Variants in BNC2 observed in about 807,000 individuals in gnomAD.
The protein encoded by BNC2 is zinc finger protein basonuclin-2.
Under a neutral mutation model 76.3 loss-of-function variants are expected in BNC2, and 20 were observed. That is an observed-to-expected ratio of 0.26 (90% CI 0.18 to 0.38). BNC2 has a LOEUF of 0.38. Among genes scored for constraint, BNC2 ranks in the 10% least tolerant of loss-of-function variants. The pLI, the probability that BNC2 is intolerant of heterozygous loss-of-function variation, is 1.00. For missense variants in BNC2, 1,382 were observed against 1,399.8 expected (o/e 0.99, Z 0.20); for synonymous variants, 582 against 514.8 (o/e 1.13, Z -1.77).
intron 3 of BNC2, among the ~76,000 whole-genome samples, chr9:16,716,646 G>A (rs576454171): frequency 3.3e-5 from 5 of 152,228 alleles, no homozygotes; most frequent in East Asian, 1.9e-4. Context: ...TATCTCTGAC[G>A]TATTACTACA....
At chr9:16,669,649 A>G (rs1822414984) in intron 3 of BNC2, among the ~76,000 whole-genome samples, 1 of 152,236 alleles carries the variant, frequency 6.6e-6, no homozygotes, top group Non-Finnish European at 1.5e-5. Flanking sequence ...TATGTGAGAT[A>G]CTATGTTATG....
chr9:16,485,266 C>G (rs1349571535), intron 5 of BNC2, among the ~76,000 whole-genome samples: 2 of 152,158 alleles, frequency 1.3e-5, no homozygotes, highest in African/African-American at 4.8e-5. Flanking sequence ...GAAAAAGAAG[C>G]CCTTTCACAG....
intron 1 of BNC2, among the ~76,000 whole-genome samples, chr9:16,846,153 A>G (rs1199403357): frequency 6.6e-6 from 1 of 152,016 alleles, no homozygotes; most frequent in African/African-American, 2.4e-5. Context: ...AAAAAAAAAA[A>G]AAATTAATTT....
chr9:16,418,680 G>A lies in BNC2; in HGVS notation c.*309C>T. ...AGTTGCACACTGTGTGTGTGTGTGT[G>A]TGTGTGTGTGTATGTGCATGTGTGT... On this transcript the variant is annotated 3_prime_UTR_variant, in exon 7 of 7. Coordinates refer to ENST00000380672, the MANE Select transcript of BNC2 (RefSeq NM_017637.6). 2 of 316,076 alleles carry A rather than the reference G, an allele frequency of 6.3e-6. No individual in the cohort carries two copies. Among genetic ancestry groups the A allele is most frequent in the Admixed American group, 4.7e-5 (1 of 21,408 alleles). The allele number at this position is 316,076 out of a possible 1,614,324, so 19.6% of individuals were successfully genotyped here. A position where few individuals can be genotyped will look rare whatever the true frequency, so the allele number is the denominator to read the frequency against.
At chr9:16,562,986 C>A (rs576522554) in intron 4 of BNC2, among the ~76,000 whole-genome samples, 1 of 152,268 alleles carries the variant, frequency 6.6e-6, no homozygotes, top group East Asian at 1.9e-4. Flanking sequence ...AAGATGCATT[C>A]CATAACTTAT....
At chr9:16,636,926 A>AATATATAT (rs112209032) in intron 3 of BNC2, among the ~76,000 whole-genome samples, 1 of 150,922 alleles carries the variant, frequency 6.6e-6, no homozygotes, top group African/African-American at 2.4e-5. Flanking sequence ...CCATGATTTA[A>AATATATAT]ATATATATAT....
Position 16,504,581 on chromosome 9 carries a change from AGATTT to A in BNC2, c.669+47944_669+47948del, listed in dbSNP as rs553100170. Among the ~76,000 whole-genome samples the A allele has an allele frequency of 3.2e-4, 49 of 152,322 alleles. 1 individual carries two copies. The South Asian group carries it at 0.01, about 32-fold the overall frequency. ...CCCTCCAAATACTGGAGATCAGTCA[AGATTT>A]GATAAATTCCATTATCTCTAGATCT... On this transcript the variant is annotated intron_variant, in intron 5 of 6. Transcript: ENST00000380672.
chr9:16,494,330 T>A (rs1822340180), intron 5 of BNC2, among the ~76,000 whole-genome samples: 1 of 151,782 alleles, frequency 6.6e-6, no homozygotes. Flanking sequence ...TTTTTATATT[T>A]TTAGTAGAGA....
chr9:16,781,254 C>A (rs74811283), intron 1 of BNC2, among the ~76,000 whole-genome samples: 2 of 8,318 alleles, frequency 2.4e-4, no homozygotes, highest in East Asian at 0.024. Flanking sequence ...AAGATCAGGG[C>A]TGGACTGATA....
Position 16,728,450 on chromosome 9 carries a change from G to A in BNC2, c.130-453C>T, listed in dbSNP as rs141534057. Among the ~76,000 whole-genome samples, 157 of 152,168 alleles carry A rather than the reference G, an allele frequency of 1.0e-3. 5 individuals are homozygous for A. The East Asian group carries it at 0.026, about 26-fold the overall frequency. ...CAAGGGGAAGCTAGGGCCCTTCCCC[G>A]GGAATTTTTCTCAACAATGCTTTCT... On this transcript the variant is annotated intron_variant, in intron 2 of 6. Transcript: ENST00000380672.
In BNC2 at chr9:16,814,017, G is replaced by A. The variant is rs368993430; in HGVS notation, c.3+56629C>T. Among the ~76,000 whole-genome samples the A allele has an allele frequency of 2.7e-4, 41 of 152,200 alleles. No homozygotes were observed. In the East Asian group the frequency reaches 4.2e-3, roughly 16 times the overall value. ...GTACTAAAAGGATTTGGCTTGTCTC[G>A]TCTGTCCTGATTATGCAATATATGC... On this transcript the variant is annotated intron_variant, in intron 1 of 6. Coordinates refer to ENST00000380672, the MANE Select transcript of BNC2 (RefSeq NM_017637.6).
At chr9:16,462,965 G>T (rs577522202) in intron 5 of BNC2, among the ~76,000 whole-genome samples, 41 of 152,044 alleles carry the variant, frequency 2.7e-4, no homozygotes. Flanking sequence ...TCCTTCTCCA[G>T]AACCGACCAT....
At chr9:16,632,955 T>A (rs535726539) in intron 3 of BNC2, among the ~76,000 whole-genome samples, 1 of 152,138 alleles carries the variant, frequency 6.6e-6, no homozygotes, top group African/African-American at 2.4e-5. Context: ...CCCCGAAGCA[T>A]GAGAACTGAT....
chr9:16,731,538 GA>G (rs1168699806), intron 2 of BNC2, among the ~76,000 whole-genome samples: 2 of 152,036 alleles, frequency 1.3e-5, no homozygotes, highest in South Asian at 2.1e-4. Flanking sequence ...AACTGAAGGG[GA>G]AAAAAAGGCA....
chr9:16,823,693 GAT>G (rs1818391073), intron 1 of BNC2, among the ~76,000 whole-genome samples: 1 of 151,668 alleles, frequency 6.6e-6, no homozygotes, highest in African/African-American at 2.4e-5. Context: ...CCTTCATGTT[GAT>G]AACTATAGTA....
At chr9:16,442,332 A>C (rs1188208470) in intron 5 of BNC2, among the ~76,000 whole-genome samples, 1 of 152,220 alleles carries the variant, frequency 6.6e-6, no homozygotes, top group Non-Finnish European at 1.5e-5. Flanking sequence ...TGAAATAAAA[A>C]GACTTCCTTT....
intron 5 of BNC2, among the ~76,000 whole-genome samples, chr9:16,539,585 G>T (rs1310576058): frequency 1.1e-5 from 1 of 91,836 alleles, no homozygotes; most frequent in African/African-American, 5.4e-5. Flanking sequence ...GACAGAGAAG[G>T]GAGGGAGGGA....
chr9:16,486,246 A>AAAATGAAGTCAGAGGAAAATGAAGAC (rs1822162026), intron 5 of BNC2, among the ~76,000 whole-genome samples: 1 of 152,200 alleles, frequency 6.6e-6, no homozygotes, highest in Non-Finnish European at 1.5e-5. Context: ...CAGCCAGAGG[A>AAAATGAAGTCAGAGGAAAATGAAGAC]AAATGAAGTC....
intron 3 of BNC2, chr9:16,726,782 T>A (rs1824338033): frequency 6.6e-6 from 1 of 152,148 alleles, no homozygotes; most frequent in African/African-American, 2.4e-5. Flanking sequence ...GCAAGACGTG[T>A]CTAGGAGGGA....
Sources: allele counts gnomAD v4.1 joint callset (sites outside exome capture counted in the v4.1 genomes callset), GRCh38; gene constraint gnomAD v4.1.1; transcripts MANE v1.5; gene names NCBI Gene and HGNC (gene_info 2026-07-23, HGNC 2026-07-21).